The following IL1RAPL1 variants were observed in gnomAD, a reference collection of about 807,000 sequenced individuals.
IL1RAPL1 encodes the protein interleukin-1 receptor accessory protein-like 1.
IL1RAPL1 carries 3 observed loss-of-function variants against 48.4 expected under a neutral mutation model. The ratio of observed to expected loss-of-function variants is 0.06; its 90% CI spans 0.03 to 0.16. The LOEUF (loss-of-function observed/expected upper bound fraction) is 0.16, where lower values mean the gene tolerates loss of function less well. Ranked by LOEUF, IL1RAPL1 falls within the 10% of genes least tolerant of loss-of-function variation. IL1RAPL1 has a pLI of 1.00. For synonymous variants in IL1RAPL1, 185 were observed against 187.7 expected (o/e 0.99, Z 0.12); for missense variants, 349 against 530.6 (o/e 0.66, Z 3.36).
At chrX:29,638,268 CTTT>C (rs775877178) in intron 5 of IL1RAPL1, among the ~76,000 whole-genome samples, 4 of 93,350 alleles carry the variant, frequency 4.3e-5, no homozygotes, top group East Asian at 3.5e-4. Context: ...CACCAATTAA[CTTT>C]TTTTTTTTTT....
At chrX:29,662,675 G>T (rs1404585831) in intron 5 of IL1RAPL1, among the ~76,000 whole-genome samples, 2 of 112,122 alleles carry the variant, frequency 1.8e-5, no homozygotes, top group East Asian at 5.6e-4. Flanking sequence ...CTAGCCAAAT[G>T]AATTCCTTGG....
intron 2 of IL1RAPL1, among the ~76,000 whole-genome samples, chrX:28,894,493 A>C (rs1439098671): frequency 9.0e-6 from 1 of 111,636 alleles, no homozygotes; most frequent in Non-Finnish European, 1.9e-5. Context: ...ATAATGTGGG[A>C]GGCCAGATTG....
intron 1 of IL1RAPL1, among the ~76,000 whole-genome samples, chrX:28,764,624 G>A (rs1182951787): frequency 4.2e-5 from 4 of 94,704 alleles, no homozygotes; most frequent in African/African-American, 7.6e-5. Flanking sequence ...TACTAGCACT[G>A]AGCAATACTC....
intron 5 of IL1RAPL1, among the ~76,000 whole-genome samples, chrX:29,416,146 C>G (rs1934212767): frequency 9.0e-6 from 1 of 111,707 alleles, no homozygotes; most frequent in African/African-American, 3.3e-5. Flanking sequence ...TTACCAGGAA[C>G]AGTGAGAACT....
At chrX:29,777,235 A>C (rs1929219883) in intron 6 of IL1RAPL1, among the ~76,000 whole-genome samples, 1 of 112,314 alleles carries the variant, frequency 8.9e-6, no homozygotes, top group African/African-American at 3.2e-5. Flanking sequence ...CAACAATAAA[A>C]TATTTTTTAT....
intron 6 of IL1RAPL1, among the ~76,000 whole-genome samples, chrX:29,755,902 A>G (rs2147142945): frequency 8.9e-6 from 1 of 111,903 alleles, no homozygotes; most frequent in South Asian, 3.8e-4. Context: ...AATATAGTAT[A>G]GTGGTTAAGA....
At chrX:28,751,930 G>A (rs1023530526) in intron 1 of IL1RAPL1, among the ~76,000 whole-genome samples, 2 of 111,089 alleles carry the variant, frequency 1.8e-5, no homozygotes, top group Non-Finnish European at 3.8e-5. Flanking sequence ...TGTAATCGCT[G>A]TGTGACCTTA....
At chrX:29,562,176 A>G (rs184352511) in intron 5 of IL1RAPL1, among the ~76,000 whole-genome samples, 4 of 95,447 alleles carry the variant, frequency 4.2e-5, no homozygotes, top group African/African-American at 1.2e-4. Context: ...CTATCTATCT[A>G]TCTAGTAGAG....
intron 5 of IL1RAPL1, among the ~76,000 whole-genome samples, chrX:29,432,684 G>A (rs1290141564): frequency 8.9e-6 from 1 of 111,739 alleles, no homozygotes; most frequent in East Asian, 2.8e-4. Context: ...GAATAGATAA[G>A]TGGAGAGATT....
At chrX:29,418,418 G>A (rs901446049) in intron 5 of IL1RAPL1, among the ~76,000 whole-genome samples, 3 of 108,868 alleles carry the variant, frequency 2.8e-5, no homozygotes, top group Non-Finnish European at 5.7e-5. Context: ...GAGCCACTGC[G>A]CCCGGCCAAA....
At chrX:29,198,627 G>C (rs1930491923) in intron 2 of IL1RAPL1, among the ~76,000 whole-genome samples, 1 of 111,494 alleles carries the variant, frequency 9.0e-6, no homozygotes, top group African/African-American at 3.3e-5. Flanking sequence ...GGTAAGCTCA[G>C]CATAAGTTGA....
chrX:29,402,865 T>A (rs867925915), intron 5 of IL1RAPL1, among the ~76,000 whole-genome samples: 1 of 111,257 alleles, frequency 9.0e-6, no homozygotes, highest in Admixed American at 9.6e-5. Flanking sequence ...TTTCTGAGAT[T>A]TTTTCATGAT....
intron 2 of IL1RAPL1, among the ~76,000 whole-genome samples, chrX:28,976,116 G>A (rs1182213190): frequency 1.8e-5 from 2 of 112,164 alleles, no homozygotes; most frequent in African/African-American, 6.5e-5. Flanking sequence ...AGTAAAATGG[G>A]ATGTGAATGG....
At chrX:29,391,425 G>A (rs865842219) in intron 3 of IL1RAPL1, among the ~76,000 whole-genome samples, 3 of 110,928 alleles carry the variant, frequency 2.7e-5, no homozygotes, top group Admixed American at 9.6e-5. Flanking sequence ...TTTGTAAGGC[G>A]GGACTCAAAG....
At chrX:29,313,218 T>C (rs1932751309) in intron 3 of IL1RAPL1, among the ~76,000 whole-genome samples, 2 of 109,852 alleles carry the variant, frequency 1.8e-5, no homozygotes, top group African/African-American at 6.6e-5. Flanking sequence ...AGGCCTTTCA[T>C]GTTTTAATCC....
At chrX:29,513,467 G>T (rs534099848) in intron 5 of IL1RAPL1, among the ~76,000 whole-genome samples, 4 of 111,439 alleles carry the variant, frequency 3.6e-5, no homozygotes, top group South Asian at 3.7e-4. Context: ...AGTTGCTTTT[G>T]GTCTCTTGAT....
intron 5 of IL1RAPL1, among the ~76,000 whole-genome samples, chrX:29,577,563 T>C (rs1179134218): frequency 8.9e-6 from 1 of 111,858 alleles, no homozygotes; most frequent in Non-Finnish European, 1.9e-5. Context: ...ACCTGGGAAA[T>C]GAAGAGATGC....
chrX:28,950,853 C>G (rs1158523534), intron 2 of IL1RAPL1, among the ~76,000 whole-genome samples: 4 of 109,012 alleles, frequency 3.7e-5, no homozygotes, highest in Non-Finnish European at 5.7e-5. Context: ...TTCACAATAG[C>G]AAAGACTTGG....
intron 6 of IL1RAPL1, among the ~76,000 whole-genome samples, chrX:29,801,076 A>AAAAAAAAAAAAAAAC (rs1569172133): frequency 5.7e-5 from 5 of 87,015 alleles, no homozygotes; most frequent in African/African-American, 2.8e-4. Flanking sequence ...AAAAAAAAAA[A>AAAAAAAAAAAAAAAC]AAAACTCATC....
Sources: allele counts gnomAD v4.1 joint callset (sites outside exome capture counted in the v4.1 genomes callset), GRCh38; gene constraint gnomAD v4.1.1; transcripts MANE v1.5; gene names NCBI Gene and HGNC (gene_info 2026-07-23, HGNC 2026-07-21).